CCDC7: variants seen among roughly 807,000 people sequenced by gnomAD.
CCDC7 encodes coiled-coil domain-containing protein 7.
In CCDC7, 183 loss-of-function variants were observed where a neutral mutation model predicts 196.9. That is an observed-to-expected ratio of 0.93 (90% CI 0.82 to 1.05). The LOEUF (loss-of-function observed/expected upper bound fraction) is 1.05, where lower values mean the gene tolerates loss of function less well. CCDC7 is among the 50% of genes least tolerant of loss of function. The pLI is 0.00. For missense variants in CCDC7, 1,540 were observed against 1,482.2 expected (o/e 1.04, Z -0.64); for synonymous variants, 525 against 484.6 (o/e 1.08, Z -1.10).
intron 21 of CCDC7, among the ~76,000 whole-genome samples, chr10:32,670,105 C>A (rs1240794806): frequency 6.6e-6 from 1 of 152,056 alleles, no homozygotes; most frequent in Non-Finnish European, 1.5e-5. Flanking sequence ...GTCCTGGGTT[C>A]TTTCCTCTTA....
At chr10:32,572,625 A>G (rs2057710495) in intron 16 of CCDC7, among the ~76,000 whole-genome samples, 1 of 152,170 alleles carries the variant, frequency 6.6e-6, no homozygotes, top group Non-Finnish European at 1.5e-5. Flanking sequence ...CTAAACATAT[A>G]CTAAAAACTA....
chr10:32,796,972 C>G (rs1462489383), intron 29 of CCDC7, among the ~76,000 whole-genome samples: 1 of 151,944 alleles, frequency 6.6e-6, no homozygotes, highest in Non-Finnish European at 1.5e-5. Context: ...AAATTCCACA[C>G]AAAATTTAAA....
At chr10:32,546,562 C>T (rs1326265183) in intron 13 of CCDC7, among the ~76,000 whole-genome samples, 1 of 152,156 alleles carries the variant, frequency 6.6e-6, no homozygotes, top group Non-Finnish European at 1.5e-5. Flanking sequence ...AGTATGTATA[C>T]ACCTGAATGA....
chr10:32,752,320 C>G (rs751443426), intron 28 of CCDC7, among the ~76,000 whole-genome samples: 11 of 152,084 alleles, frequency 7.2e-5, no homozygotes, highest in Non-Finnish European at 1.5e-4. Flanking sequence ...ACACTATCAT[C>G]CTATTCTGGA....
chr10:32,825,191 A>G (rs2090929981), intron 32 of CCDC7, among the ~76,000 whole-genome samples: 1 of 152,236 alleles, frequency 6.6e-6, no homozygotes, highest in Non-Finnish European at 1.5e-5. Flanking sequence ...AGCCCTGTTA[A>G]AACAACTCTC....
intron 29 of CCDC7, among the ~76,000 whole-genome samples, chr10:32,784,458 C>A (rs11009082): frequency 0.67 from 102,032 of 152,004 alleles, 34,612 homozygotes; most frequent in Non-Finnish European, 0.74. Context: ...GCTCCCACTC[C>A]CAAGTGGGAA....
chr10:32,729,898 GT>G (rs966021531), intron 28 of CCDC7, among the ~76,000 whole-genome samples: 2 of 151,472 alleles, frequency 1.3e-5, no homozygotes, highest in African/African-American at 4.9e-5. Context: ...TGCTTGATAC[GT>G]TTTTTTCATC....
At chr10:32,563,264 A>G (rs1275955044) in intron 13 of CCDC7, among the ~76,000 whole-genome samples, 1 of 152,192 alleles carries the variant, frequency 6.6e-6, no homozygotes, top group Non-Finnish European at 1.5e-5. Flanking sequence ...CCATCCAGCT[A>G]CCAATGACTT....
chr10:32,756,071 G>T (rs1053534388), intron 28 of CCDC7, among the ~76,000 whole-genome samples: 8 of 152,126 alleles, frequency 5.3e-5, no homozygotes, highest in Non-Finnish European at 1.0e-4. Context: ...AGAATAAAAA[G>T]AAATGAACAA....
intron 11 of CCDC7, among the ~76,000 whole-genome samples, chr10:32,538,886 A>G (rs1181543297): frequency 1.3e-5 from 2 of 152,144 alleles, no homozygotes; most frequent in South Asian, 2.1e-4. Context: ...GCAGTTTGCT[A>G]GTATTTTGTT....
At chr10:32,753,950 T>C (rs2133562863) in intron 28 of CCDC7, among the ~76,000 whole-genome samples, 1 of 152,278 alleles carries the variant, frequency 6.6e-6, no homozygotes, top group South Asian at 2.1e-4. Context: ...CAAATGATTT[T>C]TTTAACGTGT....
At chr10:32,518,654 C>A in intron 11 of CCDC7, 149 bp downstream of exon 12, 2 of 626,424 alleles carry the variant, frequency 3.2e-6, no homozygotes, top group South Asian at 7.2e-5. Flanking sequence ...AAAATTATGC[C>A]ATATTCTAAA....
intron 29 of CCDC7, among the ~76,000 whole-genome samples, chr10:32,789,385 T>C (rs113649333): frequency 1.9e-4 from 29 of 151,752 alleles, no homozygotes; most frequent in African/African-American, 6.8e-4. Flanking sequence ...AATAAAGAGA[T>C]AGAAATCATA....
At chr10:32,713,513 A>G (rs779167438) in intron 25 of CCDC7, among the ~76,000 whole-genome samples, 1 of 152,236 alleles carries the variant, frequency 6.6e-6, no homozygotes, top group Non-Finnish European at 1.5e-5. Context: ...GTATCACTCT[A>G]AATTTCATAA....
intron 22 of CCDC7, 29 bp from the exon 24 acceptor site, chr10:32,689,024 T>C: frequency 7.5e-7 from 1 of 1,324,642 alleles, no homozygotes; most frequent in Non-Finnish European, 1.1e-6. Context: ...ATTTGTAATT[T>C]AGCGGACTAA....
intron 18 of CCDC7, among the ~76,000 whole-genome samples, chr10:32,627,680 C>T (rs2064249169): frequency 6.6e-6 from 1 of 151,028 alleles, no homozygotes; most frequent in Non-Finnish European, 1.5e-5. Context: ...TACATACATT[C>T]CTTCTATATG....
At chr10:32,445,577 A>G (rs1037713872), upstream of CCDC7, among the ~76,000 whole-genome samples, 21 of 152,216 alleles carry the variant, frequency 1.4e-4, no homozygotes, top group Admixed American at 1.2e-3. Flanking sequence ...CAAAATTAAT[A>G]TATTTCTTGA....
intron 13 of CCDC7, among the ~76,000 whole-genome samples, chr10:32,553,590 C>T (rs2053855414): frequency 6.6e-6 from 1 of 152,080 alleles, no homozygotes; most frequent in Non-Finnish European, 1.5e-5. Context: ...TGTTCAAATT[C>T]TTTTGTCCCA....
chr10:32,453,970 G>T (rs574919357), intron 2 of CCDC7, among the ~76,000 whole-genome samples: 1 of 152,280 alleles, frequency 6.6e-6, no homozygotes, highest in East Asian at 1.9e-4. Context: ...TTACTAACTG[G>T]TGAATGGATA....
Sources: gnomAD v4.1 joint callset for allele counts (sites outside exome capture counted in the v4.1 genomes callset) on GRCh38, gnomAD v4.1.1 for gene constraint, MANE v1.5 for transcripts, NCBI Gene and HGNC (gene_info 2026-07-23, HGNC 2026-07-21) for gene names.